The following LANCL3 variants were observed in gnomAD, a reference collection of about 807,000 sequenced individuals.
LANCL3 encodes the protein lanC-like protein 3.
A neutral mutation model predicts 26.5 loss-of-function variants in LANCL3; 19 were observed. The ratio of observed to expected loss-of-function variants is 0.72; its 90% CI spans 0.50 to 1.05. The LOEUF (loss-of-function observed/expected upper bound fraction) is 1.05. Among genes scored for constraint, LANCL3 ranks in the 50% least tolerant of loss-of-function variants. The pLI is 0.00. For missense variants in LANCL3, 318 were observed against 362.7 expected, an observed-to-expected ratio of 0.88 and a Z score of 1.00; for synonymous variants, 160 against 166.6, an observed-to-expected ratio of 0.96 and a Z score of 0.30.
In LANCL3 at chrX:37,684,357, GTTA is replaced by G. The variant is rs1445815180; in HGVS notation, c.*8547_*8549del. 3 of 112,866 alleles carry G rather than the reference GTTA, an allele frequency of 2.7e-5. No individual in the cohort carries two copies. Among genetic ancestry groups the G allele is most frequent in the Non-Finnish European group, 5.6e-5 (3 of 53,345 alleles). The allele number at this position is 112,866 out of a possible 1,213,427, so 9.3% of individuals were successfully genotyped here. On this transcript the variant is annotated 3_prime_UTR_variant, in exon 5 of 5. Coordinates refer to ENST00000378619, the MANE Select transcript of LANCL3 (RefSeq NM_001170331.2). ...TGGACTTTATAGTGTTTAAAGCGAT[GTTA>G]TTTATTGGCTTATTGCCCCTCCTTA...
intron 4 of LANCL3, among the ~76,000 whole-genome samples, chrX:37,668,827 G>A (rs1281877252): frequency 9.0e-6 from 1 of 111,721 alleles, no homozygotes; most frequent in Non-Finnish European, 1.9e-5. Flanking sequence ...TTATTAAAAT[G>A]AGCTAAGTGA....
intron 2 of LANCL3, among the ~76,000 whole-genome samples, chrX:37,656,199 A>G (rs1926279543): frequency 9.1e-6 from 1 of 110,175 alleles, no homozygotes; most frequent in Non-Finnish European, 1.9e-5. Flanking sequence ...TAGTGTGTTT[A>G]TAACAGACTA....
chrX:37,657,404 C>A (rs1247012497), intron 2 of LANCL3, among the ~76,000 whole-genome samples: 1 of 111,400 alleles, frequency 9.0e-6, no homozygotes, highest in Non-Finnish European at 1.9e-5. Flanking sequence ...GCTCTGTCAC[C>A]CAGGCTGGAG....
At position 37,657,503 on chromosome X, in the gene LANCL3, A is replaced by G. The variant is rs782143436; in HGVS notation, c.697+1692A>G. On this transcript the variant is annotated intron_variant, in intron 2 of 4. Transcript: ENST00000378619. Reference sequence around the variant, plus strand: ...CAGCCTTCCAAGTAGCTAGGACTACAGGTATGCTTCAGTATGCCTGGTCAA... The same window carrying G: ...CAGCCTTCCAAGTAGCTAGGACTACGGGTATGCTTCAGTATGCCTGGTCAA... Among the ~76,000 whole-genome samples the G allele has an allele frequency of 1.3e-4, 14 of 109,473 alleles. No homozygotes were observed. The East Asian group carries it at 3.7e-3, about 29-fold the overall frequency.
intron 1 of LANCL3, among the ~76,000 whole-genome samples, chrX:37,646,078 A>G (rs1401403078): frequency 4.4e-5 from 5 of 112,412 alleles, no homozygotes; most frequent in Non-Finnish European, 7.5e-5. Context: ...TTACTCCTTT[A>G]CAGTACTACT....
At chrX:37,631,673 A>G (rs1297777799) in intron 1 of LANCL3, among the ~76,000 whole-genome samples, 2 of 111,348 alleles carry the variant, frequency 1.8e-5, no homozygotes, top group African/African-American at 6.6e-5. Flanking sequence ...GTTGGTTTCA[A>G]AGAATATCTT....
At position 37,572,380 on chromosome X, in the gene LANCL3, G is replaced by C; in HGVS notation, c.510G>C (p.Leu170=). 3.4e-6 allele frequency: 4 copies of C among 1,173,729 alleles called. No homozygotes were observed. The highest frequency in any genetic ancestry group is 4.6e-6 in the Non-Finnish European group (4 of 876,103). The change falls in exon 1 of 5, where the codon CTG becomes CTC. Residue 170 remains leucine, a synonymous_variant. Transcript: ENST00000378619. ...VSFLECGSDE[L]FVGRAGYLCA... is the part of the protein sequence containing the mutation. ...TCCTGGAGTGCGGCTCCGACGAGCT[G>C]TTCGTGGGCCGCGCGGGTTACCTGT...
At chrX:37,600,924 C>G (rs1050250559) in intron 1 of LANCL3, among the ~76,000 whole-genome samples, 52 of 111,807 alleles carry the variant, frequency 4.7e-4, no homozygotes, top group Admixed American at 3.8e-4. Flanking sequence ...GCCCACTCAC[C>G]CAAAGTGGTC....
chrX:37,605,351 A>G (rs1924680037), intron 1 of LANCL3, among the ~76,000 whole-genome samples: 1 of 112,072 alleles, frequency 8.9e-6, no homozygotes, highest in Non-Finnish European at 1.9e-5. Flanking sequence ...CCACCTTAAG[A>G]CTGAAATACA....
At chrX:37,606,714 G>A (rs782199679) in intron 1 of LANCL3, among the ~76,000 whole-genome samples, 28 of 111,615 alleles carry the variant, frequency 2.5e-4, no homozygotes, top group Non-Finnish European at 4.1e-4. Flanking sequence ...GCAGTCCCAC[G>A]TACGTGTACT....
At chrX:37,607,685 G>A (rs1393960055) in intron 1 of LANCL3, among the ~76,000 whole-genome samples, 1 of 112,346 alleles carries the variant, frequency 8.9e-6, no homozygotes, top group Non-Finnish European at 1.9e-5. Context: ...GAATATGCTA[G>A]GTTGGCATCT....
chrX:37,632,142 T>G (rs782126349), intron 1 of LANCL3, among the ~76,000 whole-genome samples: 9 of 112,171 alleles, frequency 8.0e-5, no homozygotes, highest in African/African-American at 2.6e-4. Flanking sequence ...TGCTCCTGTA[T>G]TGGTTGCATA....
rs201090311 is a variant in LANCL3, at chrX:37,572,374, C to T, written c.504C>T (p.Asp168=). Residue 168 remains aspartate (D), a synonymous_variant, in exon 1 of 5, where the codon GAC becomes GAT. Transcript: ENST00000378619. ...TCTCCTTCCTGGAGTGCGGCTCCGA[C>T]GAGCTGTTCGTGGGCCGCGCGGGTT... ...APVSFLECGS[D]ELFVGRAGYL... is the part of the protein sequence containing the mutation. 276 of 1,169,687 alleles carry T rather than the reference C, an allele frequency of 2.4e-4. No homozygotes were observed. The African/African-American group carries it at 4.2e-3, about 18-fold the overall frequency.
At chrX:37,620,875 A>G (rs1556422189) in intron 1 of LANCL3, among the ~76,000 whole-genome samples, 1 of 110,897 alleles carries the variant, frequency 9.0e-6, no homozygotes, top group African/African-American at 3.3e-5. Context: ...TTATCATTGA[A>G]CCCCACATGC....
At chrX:37,611,916 TTTATTTTATTTTA>T (rs1302050919) in intron 1 of LANCL3, among the ~76,000 whole-genome samples, 3 of 111,334 alleles carry the variant, frequency 2.7e-5, no homozygotes, top group Non-Finnish European at 5.7e-5. Flanking sequence ...TTTATTTTAT[TTTATTTTATTTTA>T]TTATTTTATT....
chrX:37,671,381 A>T (rs12844057), intron 4 of LANCL3, among the ~76,000 whole-genome samples: 2 of 111,160 alleles, frequency 1.8e-5, no homozygotes, highest in African/African-American at 6.5e-5. Flanking sequence ...TTTTATATTC[A>T]CTTCTTATAA....
At chrX:37,592,969 T>C (rs1556419157) in intron 1 of LANCL3, among the ~76,000 whole-genome samples, 2 of 111,850 alleles carry the variant, frequency 1.8e-5, no homozygotes, top group Admixed American at 9.5e-5. Flanking sequence ...TTCATAGCAA[T>C]TTAGAAATTT....
chrX:37,621,160 G>C (rs1259512943), intron 1 of LANCL3, among the ~76,000 whole-genome samples: 2 of 112,101 alleles, frequency 1.8e-5, no homozygotes, highest in African/African-American at 6.5e-5. Context: ...TCAGTAACAA[G>C]ATACTTTGTC....
At chrX:37,633,149 GT>G (rs202182589) in intron 1 of LANCL3, among the ~76,000 whole-genome samples, 23,420 of 99,364 alleles carry the variant, frequency 0.24, 2,478 homozygotes, top group African/African-American at 0.4. Context: ...GGCTTTGTTC[GT>G]TTTTTTTTTT....
Sources: gnomAD v4.1 joint callset for allele counts (sites outside exome capture counted in the v4.1 genomes callset) on GRCh38, gnomAD v4.1.1 for gene constraint, MANE v1.5 for transcripts, NCBI Gene and HGNC (gene_info 2026-07-23, HGNC 2026-07-21) for gene names.